The following SLC39A10 variants were observed in gnomAD, a reference collection of about 807,000 sequenced individuals.
The protein encoded by SLC39A10 is solute carrier family 39 member 10.
In SLC39A10, 13 loss-of-function variants were observed where a neutral mutation model predicts 65.1. The ratio of observed to expected loss-of-function variants is 0.20; its 90% CI spans 0.13 to 0.32. The LOEUF (loss-of-function observed/expected upper bound fraction) is 0.32. SLC39A10 is among the 10% of genes least tolerant of loss of function. SLC39A10 has a pLI of 1.00. For synonymous variants in SLC39A10, 321 were observed against 342.2 expected, an observed-to-expected ratio of 0.94 and a Z score of 0.68; for missense variants, 831 against 1,018.4, an observed-to-expected ratio of 0.82 and a Z score of 2.50.
At position 195,728,054 on chromosome 2, in the gene SLC39A10, TA is replaced by T; in HGVS notation, c.2147-101del. On this transcript the variant is annotated intron_variant, in intron 8 of 9. Coordinates refer to ENST00000359634, the MANE Select transcript of SLC39A10 (RefSeq NM_020342.3). This position sits in a 1 kb window ranked among gnomAD's most constrained non-coding sequence, Gnocchi z 4.4. The stretch of plus-strand genomic sequence containing the variant: ...TATATATCACATAAAATACTGTTAT[TA>T]AAAGTGTGTATCTTTTTAATGCTGA... 2 of 1,018,842 alleles carry T rather than the reference TA, an allele frequency of 2.0e-6. No individual in the cohort carries two copies. The highest frequency in any genetic ancestry group is 2.8e-6 in the Non-Finnish European group (2 of 701,870). 63.1% of individuals were successfully genotyped at this position (1,018,842 alleles called of 1,614,324 possible).
chr2:195,699,817 T>C (rs150536738), intron 3 of SLC39A10, among the ~76,000 whole-genome samples: 1 of 152,264 alleles, frequency 6.6e-6, no homozygotes, highest in African/African-American at 2.4e-5. Flanking sequence ...GTCCTCTATT[T>C]CCTTGCCTGT....
At chr2:195,733,842 T>G (rs1692502187) in intron 9 of SLC39A10, among the ~76,000 whole-genome samples, 1 of 152,288 alleles carries the variant, frequency 6.6e-6, no homozygotes, top group South Asian at 2.1e-4. Context: ...TATATAAACT[T>G]TTCAAAGCAC....
At chr2:195,628,003 AG>A (rs1282587571) in intron 2 of SLC39A10, among the ~76,000 whole-genome samples, 3 of 152,256 alleles carry the variant, frequency 2.0e-5, no homozygotes, top group Non-Finnish European at 2.9e-5. Context: ...GCATTAGATC[AG>A]CAAAGTCAAT....
At chr2:195,732,025 C>G (rs2105850503) in intron 9 of SLC39A10, among the ~76,000 whole-genome samples, 1 of 152,284 alleles carries the variant, frequency 6.6e-6, no homozygotes, top group Non-Finnish European at 1.5e-5. Flanking sequence ...AAGAAACTGT[C>G]CACATATATT....
chr2:195,680,905 A>G lies in SLC39A10; in HGVS notation c.863A>G (p.His288Arg). 6 of 1,614,172 alleles carry G rather than the reference A, an allele frequency of 3.7e-6. No homozygotes were observed. The highest frequency in any genetic ancestry group is 3.4e-6 in the Non-Finnish European group (4 of 1,180,026). The change falls in exon 2 of 10, where the codon CAT becomes CGT. Residue 288 changes from histidine (H) to arginine (R), a missense_variant. By Grantham distance (29) the His-to-Arg change is conservative. Around this residue, in one of 4 missense-constraint regions of SLC39A10, gnomAD observed 446 missense variants for 499.2 expected, o/e 0.89. Transcript: ENST00000359634. ...SHVHLPERNG[H>R]DPGRGHQDLD... ...GTACATCTTCCAGAACGTAATGGTC[A>G]TGATCCTGGTCGTGGACACCAAGAT...
intron 2 of SLC39A10, among the ~76,000 whole-genome samples, chr2:195,625,140 C>T (rs1002864979): frequency 2.7e-5 from 4 of 148,560 alleles, no homozygotes; most frequent in African/African-American, 7.4e-5. Flanking sequence ...TCGCTTGAAC[C>T]CGGGAGGTGG....
At position 195,735,104 on chromosome 2, in the gene SLC39A10, G is replaced by T; in HGVS notation, c.*63G>T. ...CCATGCAGCTTTGCATCTGTTCCTT[G>T]TACTGTATGCACATTGCTCAAAGGA... On this transcript the variant is annotated 3_prime_UTR_variant, in exon 10 of 10. Coordinates refer to ENST00000359634, the MANE Select transcript of SLC39A10 (RefSeq NM_020342.3). The T allele has an allele frequency of 6.6e-7, 1 of 1,520,880 alleles. No homozygotes were observed. The highest frequency in any genetic ancestry group is 8.9e-7 in the Non-Finnish European group (1 of 1,129,890). 94.2% of individuals were successfully genotyped at this position (1,520,880 alleles called of 1,614,324 possible). A position where few individuals can be genotyped will look rare whatever the true frequency, so the allele number is the denominator to read the frequency against.
chr2:195,714,359 T>C (rs1691710610), intron 6 of SLC39A10, among the ~76,000 whole-genome samples: 1 of 152,222 alleles, frequency 6.6e-6, no homozygotes, highest in Non-Finnish European at 1.5e-5. Flanking sequence ...AAATTCAGCA[T>C]TTCTCATGGG....
chr2:195,725,756 A>G (rs543856489), intron 8 of SLC39A10, among the ~76,000 whole-genome samples: 8 of 152,330 alleles, frequency 5.3e-5, no homozygotes, highest in African/African-American at 1.9e-4. Flanking sequence ...TGGTTCATCT[A>G]TGGAATATTA....
At chr2:195,702,934 C>T (rs1341682364) in intron 3 of SLC39A10, among the ~76,000 whole-genome samples, 1 of 152,158 alleles carries the variant, frequency 6.6e-6, no homozygotes, top group Non-Finnish European at 1.5e-5. Flanking sequence ...TCATAATATG[C>T]ATTTTCCATG....
intron 2 of SLC39A10, among the ~76,000 whole-genome samples, chr2:195,639,329 G>A (rs1040475236): frequency 1.3e-5 from 2 of 152,142 alleles, no homozygotes; most frequent in African/African-American, 2.4e-5. Context: ...TCAGACTGGG[G>A]TTAAGAGTTT....
intron 3 of SLC39A10, 134 bp from the exon 4 acceptor site, chr2:195,706,482 T>C (rs1691399246): frequency 1.3e-6 from 1 of 755,284 alleles, no homozygotes; most frequent in African/African-American, 1.9e-5. Context: ...TTTTAAACAA[T>C]GCCTTAAAGC....
intron 8 of SLC39A10, among the ~76,000 whole-genome samples, chr2:195,718,962 A>C (rs1691917633): frequency 6.6e-6 from 1 of 151,944 alleles, no homozygotes; most frequent in Admixed American, 6.6e-5. Flanking sequence ...TTATAATCTT[A>C]ATACCCAAAA....
chr2:195,732,380 G>C (rs1692458010), intron 9 of SLC39A10, among the ~76,000 whole-genome samples: 1 of 152,108 alleles, frequency 6.6e-6, no homozygotes, highest in Admixed American at 6.5e-5. Context: ...GACTTTGGGT[G>C]GTGCTGTTTA....
intron 3 of SLC39A10, among the ~76,000 whole-genome samples, chr2:195,704,896 C>A (rs914630648): frequency 7.2e-5 from 11 of 152,130 alleles, no homozygotes; most frequent in Admixed American, 3.3e-4. Flanking sequence ...TGCCCAAGCT[C>A]AAGCGATCGT....
At chr2:195,704,551 A>G (rs1691323643) in intron 3 of SLC39A10, among the ~76,000 whole-genome samples, 1 of 152,126 alleles carries the variant, frequency 6.6e-6, no homozygotes, top group East Asian at 1.9e-4. Context: ...TAAAATTTAT[A>G]CCTATGACTA....
intron 1 of SLC39A10, among the ~76,000 whole-genome samples, chr2:195,677,575 C>A (rs1169936900): frequency 1.3e-5 from 2 of 151,948 alleles, no homozygotes; most frequent in African/African-American, 4.8e-5. Flanking sequence ...AGTTTTATTC[C>A]TTTTTACCTT....
chr2:195,735,157 T>A lies in SLC39A10; in HGVS notation c.*116T>A. 1 of 1,105,850 alleles carries A rather than the reference T, an allele frequency of 9.0e-7. No individual in the cohort carries two copies. Among genetic ancestry groups the A allele is most frequent in the South Asian group, 1.8e-5 (1 of 54,802 alleles). The allele number at this position is 1,105,850 out of a possible 1,614,324, so 68.5% of individuals were successfully genotyped here. Reference sequence around the variant, plus strand: ...GTCAGTGGCTTGCACTACTTACAAGTTTCATAGATTTGAGCCTAACCACAA... The same window carrying A: ...GTCAGTGGCTTGCACTACTTACAAGATTCATAGATTTGAGCCTAACCACAA... On this transcript the variant is annotated 3_prime_UTR_variant, in exon 10 of 10. Coordinates refer to ENST00000359634, the MANE Select transcript of SLC39A10 (RefSeq NM_020342.3).
chr2:195,616,043 C>T (rs1227574199), intron 2 of SLC39A10, among the ~76,000 whole-genome samples: 1 of 152,166 alleles, frequency 6.6e-6, no homozygotes, highest in African/African-American at 2.4e-5. Context: ...GCAAACTCCA[C>T]GGCCTGGGTG....
Sources: allele counts gnomAD v4.1 joint callset (sites outside exome capture counted in the v4.1 genomes callset), GRCh38; gene constraint gnomAD v4.1.1; regional missense constraint gnomAD v4.1.1; non-coding constraint Gnocchi (gnomAD v3.1); transcripts MANE v1.5; gene names NCBI Gene and HGNC (gene_info 2026-07-23, HGNC 2026-07-21).